Variants in RAI1 observed in about 807,000 individuals in gnomAD.
RAI1 encodes retinoic acid induced 1.
A neutral mutation model predicts 123.8 loss-of-function variants in RAI1; 9 were observed. The observed-to-expected ratio is 0.07, with a 90% CI of 0.04 to 0.13. The LOEUF is 0.13. Ranked by LOEUF, RAI1 falls within the 10% of genes least tolerant of loss-of-function variation. The pLI, the probability that RAI1 is intolerant of heterozygous loss-of-function variation, is 1.00. For synonymous variants in RAI1, 1,231 were observed against 1,127.3 expected, an observed-to-expected ratio of 1.09 and a Z score of -1.84; for missense variants, 2,256 against 2,545.8, an observed-to-expected ratio of 0.89 and a Z score of 2.45.
chr17:17,782,691 A>AGGGCGG (rs2031637831), intron 2 of RAI1, among the ~76,000 whole-genome samples: 1 of 10,792 alleles, frequency 9.3e-5, no homozygotes, highest in African/African-American at 3.9e-4. Flanking sequence ...GGGAGGGGGA[A>AGGGCGG]GGGCGGGGGC....
intron 2 of RAI1, chr17:17,778,980 C>A: frequency 2.3e-6 from 1 of 441,526 alleles, no homozygotes. Flanking sequence ...AGAAAGTATT[C>A]TGTTCACTCT....
intron 2 of RAI1, among the ~76,000 whole-genome samples, chr17:17,743,619 C>G (rs1916714449): frequency 1.3e-5 from 2 of 152,350 alleles, no homozygotes; most frequent in Middle Eastern, 3.4e-3. Flanking sequence ...CGTGGTTTCT[C>G]TGGGGCTGCC....
chr17:17,714,553 T>G lies in RAI1; in HGVS notation c.-148-9475T>G, dbSNP rs889692264. ...CTCTGAGTGACGTTTATGCACTCAT[T>G]TCTATTTATCACCAGCAAATCCCGG... On this transcript the variant is annotated intron_variant, in intron 1 of 5. Coordinates refer to ENST00000353383, the MANE Select transcript of RAI1 (RefSeq NM_030665.4). The surrounding 1 kb of genome is among the most constrained non-coding windows in gnomAD (Gnocchi z 4.9). 2.6e-5 allele frequency among the ~76,000 whole-genome samples: 4 copies of G among 152,178 alleles called. No homozygotes were observed. The highest frequency in any genetic ancestry group is 9.6e-5 in the African/African-American group (4 of 41,458).
rs1916664784 is a variant in RAI1 at position 17,742,313 on chromosome 17, C to CG, written c.-17+18154_-17+18155insG. On this transcript the variant is annotated intron_variant, in intron 2 of 5. Transcript: ENST00000353383. Reference sequence around the variant, plus strand: ...ACAGGGCTGGCAGAGGCTCCCAAGACTCACAATAGACACTTAATGAATATT... The same window carrying CG: ...ACAGGGCTGGCAGAGGCTCCCAAGACGTCACAATAGACACTTAATGAATATT... Among the ~76,000 whole-genome samples, 4 of 152,368 alleles carry CG rather than the reference C, an allele frequency of 2.6e-5. No individual in the cohort carries two copies. The South Asian group carries it at 8.3e-4, about 32-fold the overall frequency.
chr17:17,804,245 C>T, intron 4 of RAI1: 2 of 316,396 alleles, frequency 6.3e-6, no homozygotes, highest in Non-Finnish European at 1.2e-5. Flanking sequence ...GGGAAAGGCA[C>T]TACTACAACA....
At chr17:17,758,044 A>G (rs1465258147) in intron 2 of RAI1, among the ~76,000 whole-genome samples, 2 of 152,222 alleles carry the variant, frequency 1.3e-5, no homozygotes, top group African/African-American at 2.4e-5. Context: ...TTCCAGAGAC[A>G]TTATAAATCA....
intron 1 of RAI1, among the ~76,000 whole-genome samples, chr17:17,693,426 C>T (rs1914906628): frequency 2.0e-5 from 3 of 152,244 alleles, no homozygotes; most frequent in Non-Finnish European, 2.9e-5. Context: ...GCCTCTCCAG[C>T]TCCCCTCCCC....
At chr17:17,784,766 T>C (rs2142999722) in intron 2 of RAI1, among the ~76,000 whole-genome samples, 1 of 152,054 alleles carries the variant, frequency 6.6e-6, no homozygotes, top group Non-Finnish European at 1.5e-5. Flanking sequence ...CTTTGCAGGA[T>C]TGCCAGGGAT....
chr17:17,773,411 G>T (rs1010692095), intron 2 of RAI1, among the ~76,000 whole-genome samples: 23 of 152,098 alleles, frequency 1.5e-4, no homozygotes, highest in Admixed American at 1.5e-3. Context: ...GGGGGACACC[G>T]ATGCCCTCCT....
Position 17,794,890 on chromosome 17 carries a change from G to A in RAI1, c.1942G>A (p.Ala648Thr), listed in dbSNP as rs375120356. ...KPPFSLENHSACLDSVAKSAW... is the reference protein window; with the variant it reads ...KPPFSLENHSTCLDSVAKSAW... ...ACCCTTCTCGCTGGAGAACCACAGC[G>A]CCTGCCTGGACTCTGTGGCCAAGAG... Residue 648 changes from alanine (A) to threonine (T), a missense_variant, in exon 3 of 6, where the codon GCC becomes ACC. Ala to Thr is a moderately conservative substitution (Grantham distance 58). This residue lies in a region of RAI1 where 566 missense variants were observed against 616.0 expected (regional missense o/e 0.92). Transcript: ENST00000353383. 1.5e-5 allele frequency: 25 copies of A among 1,613,456 alleles called. No homozygotes were observed. Among genetic ancestry groups the A allele is most frequent in the Middle Eastern group, 1.6e-4 (1 of 6,062 alleles).
intron 3 of RAI1, among the ~76,000 whole-genome samples, chr17:17,803,314 C>G (rs1697238775): frequency 6.6e-6 from 1 of 152,136 alleles, no homozygotes; most frequent in Non-Finnish European, 1.5e-5. Flanking sequence ...GGTAGATTTT[C>G]AAGCACCATT....
At chr17:17,728,780 G>T (rs568583113) in intron 2 of RAI1, among the ~76,000 whole-genome samples, 69 of 152,336 alleles carry the variant, frequency 4.5e-4, no homozygotes, top group African/African-American at 1.7e-3. Context: ...TGACATGCTT[G>T]AGGTCATGCA....
At position 17,796,999 on chromosome 17, in the gene RAI1, G is replaced by C; in HGVS notation, c.4051G>C (p.Ala1351Pro). Residue 1351 changes from alanine to proline, a missense_variant, in exon 3 of 6, where the codon GCC becomes CCC. Ala to Pro is a conservative substitution (Grantham distance 27, BLOSUM62 -1). Transcript: ENST00000353383. The surrounding 1 kb of genome is among the most constrained non-coding windows in gnomAD (Gnocchi z 5.8). ...GAAGTTCGCATGTAAAGCGCCAGGG[G>C]CCTCTCCTGGTAATCCTCTGAGCCC... ...LKKFACKAPG[A>P]SPGNPLSPSL... 2 of 1,613,826 alleles carry C rather than the reference G, an allele frequency of 1.2e-6. No individual in the cohort carries two copies. The highest frequency in any genetic ancestry group is 1.7e-6 in the Non-Finnish European group (2 of 1,180,038).
At chr17:17,805,253 C>G (rs1016761082) in intron 4 of RAI1, among the ~76,000 whole-genome samples, 1 of 152,166 alleles carries the variant, frequency 6.6e-6, no homozygotes, top group African/African-American at 2.4e-5. Flanking sequence ...GATAATAGCC[C>G]CTTCTCTGCA....
At position 17,706,953 on chromosome 17, in the gene RAI1, A is replaced by G. The variant is rs115428734; in HGVS notation, c.-148-17075A>G. On this transcript the variant is annotated intron_variant, in intron 1 of 5. Transcript: ENST00000353383. ...GAGCTGGGCTCTGCCCTAGGTGCCC[A>G]TGGGTGAGCAGACAGACAGCGATCT... is the stretch of plus-strand genomic sequence containing the variant. Among the ~76,000 whole-genome samples the G allele has an allele frequency of 3.2e-3, 494 of 152,338 alleles. 4 individuals are homozygous for G. The highest frequency in any genetic ancestry group is 0.011 in the African/African-American group (470 of 41,564).
intron 2 of RAI1, among the ~76,000 whole-genome samples, chr17:17,745,808 T>C (rs2029891227): frequency 6.6e-6 from 1 of 152,088 alleles, no homozygotes; most frequent in African/African-American, 2.4e-5. Context: ...GGGGGGCTTG[T>C]GTGGAGTCCA....
chr17:17,782,937 C>T (rs1402617876), intron 2 of RAI1, among the ~76,000 whole-genome samples: 3 of 152,130 alleles, frequency 2.0e-5, no homozygotes, highest in Non-Finnish European at 2.9e-5. Flanking sequence ...CCCTTGCCGC[C>T]GCCGCGTCCC....
intron 3 of RAI1, among the ~76,000 whole-genome samples, chr17:17,802,604 G>A (rs965985295): frequency 3.3e-5 from 5 of 151,958 alleles, no homozygotes; most frequent in Non-Finnish European, 1.5e-5. Flanking sequence ...GAGAAACCCC[G>A]TCTCTACTAA....
At chr17:17,781,081 C>CA (rs1218620450) in intron 2 of RAI1, among the ~76,000 whole-genome samples, 1 of 152,152 alleles carries the variant, frequency 6.6e-6, no homozygotes, top group African/African-American at 2.4e-5. Context: ...GGAAGGGGCC[C>CA]AGCCCTTGAG....
Sources: gnomAD v4.1 joint callset for allele counts (sites outside exome capture counted in the v4.1 genomes callset) on GRCh38, gnomAD v4.1.1 for gene constraint, gnomAD v4.1.1 regional missense constraint, Gnocchi (gnomAD v3.1) non-coding constraint, MANE v1.5 for transcripts, NCBI Gene and HGNC (gene_info 2026-07-23, HGNC 2026-07-21) for gene names.